RAB38: variants seen among roughly 807,000 people sequenced by gnomAD.
RAB38 encodes ras-related protein Rab-38.
RAB38 carries 15 observed loss-of-function variants against 18.4 expected under a neutral mutation model. That is an observed-to-expected ratio of 0.82 (90% CI 0.55 to 1.26). The LOEUF is 1.26. RAB38 is among the 50% of genes most tolerant of loss of function. The probability of loss-of-function intolerance (pLI) is 0.00; values close to 1 mark genes in which losing one functional copy is unlikely to be tolerated. For synonymous variants in RAB38, 101 were observed against 104.4 expected, an observed-to-expected ratio of 0.97 and a Z score of 0.20; for missense variants, 294 against 267.4, an observed-to-expected ratio of 1.10 and a Z score of -0.69.
the RAB38 span, among the ~76,000 whole-genome samples, chr11:87,832,191 TAAAC>T: frequency 2.6e-5 from 4 of 152,158 alleles, no homozygotes; most frequent in East Asian, 1.9e-4. Context: ...AATGGTGAAA[TAAAC>T]AGACACTGTC....
chr11:88,065,630 G>A, the RAB38 span, among the ~76,000 whole-genome samples: 3 of 152,172 alleles, frequency 2.0e-5, no homozygotes, highest in Non-Finnish European at 2.9e-5. Context: ...ATTATGGGAC[G>A]TATGTCCTCG....
At chr11:88,121,188 C>G (rs35257653) in intron 2 of RAB38, among the ~76,000 whole-genome samples, 1 of 152,190 alleles carries the variant, frequency 6.6e-6, no homozygotes, top group Non-Finnish European at 1.5e-5. Flanking sequence ...CCACTACATC[C>G]TAACTGCCTG....
At chr11:88,043,096 A>C in the RAB38 span, among the ~76,000 whole-genome samples, 1 of 152,078 alleles carries the variant, frequency 6.6e-6, no homozygotes, top group Non-Finnish European at 1.5e-5. Flanking sequence ...AGACACACTG[A>C]CTCTCTAAAG....
At chr11:88,173,825 T>A (rs1159333613) in intron 1 of RAB38, 1 of 985,314 alleles carries the variant, frequency 1.0e-6, no homozygotes, top group Non-Finnish European at 1.2e-6. Context: ...CATGAATCTG[T>A]TCATCTGTTC....
At chr11:87,808,524 G>A in the RAB38 span, among the ~76,000 whole-genome samples, 1 of 152,144 alleles carries the variant, frequency 6.6e-6, no homozygotes, top group African/African-American at 2.4e-5. Flanking sequence ...AAGAATGATG[G>A]TCACCAGGAG....
chr11:88,171,147 A>T (rs376648006), intron 1 of RAB38, among the ~76,000 whole-genome samples: 19 of 152,362 alleles, frequency 1.2e-4, no homozygotes, highest in African/African-American at 4.1e-4. Flanking sequence ...ACACTCATTC[A>T]GCATTTATTA....
At chr11:88,044,602 T>G in the RAB38 span, among the ~76,000 whole-genome samples, 5 of 152,102 alleles carry the variant, frequency 3.3e-5, no homozygotes, top group Non-Finnish European at 7.4e-5. Flanking sequence ...TCCTACAAGA[T>G]CTAGATAATT....
At chr11:87,823,703 A>G in the RAB38 span, among the ~76,000 whole-genome samples, 2 of 152,176 alleles carry the variant, frequency 1.3e-5, no homozygotes, top group Non-Finnish European at 1.5e-5. Flanking sequence ...GGTCGTAGCA[A>G]TTTTATTCAT....
chr11:88,079,996 T>A, the RAB38 span, among the ~76,000 whole-genome samples: 1 of 151,684 alleles, frequency 6.6e-6, no homozygotes, highest in African/African-American at 2.4e-5. Context: ...GATAGGAATA[T>A]ATACTATCAT....
chr11:88,087,188 C>T, the RAB38 span, among the ~76,000 whole-genome samples: 1 of 151,902 alleles, frequency 6.6e-6, no homozygotes, highest in Non-Finnish European at 1.5e-5. Context: ...ATCATCTGTC[C>T]AAGCAGTGAT....
chr11:88,015,094 T>C, the RAB38 span, among the ~76,000 whole-genome samples: 1 of 152,056 alleles, frequency 6.6e-6, no homozygotes, highest in South Asian at 2.1e-4. Flanking sequence ...AAAATCTCTC[T>C]ACAATGTTGA....
At position 88,175,167 on chromosome 11, in the gene RAB38, CT is replaced by C. The variant is rs758636089; in HGVS notation, c.202+15del. On this transcript the variant is annotated intron_variant, in intron 1 of 2. Coordinates refer to ENST00000243662, the MANE Select transcript of RAB38 (RefSeq NM_022337.3). ...CGAGGCGCTCTATCCCCCTGACCCC[CT>C]CCCCCCGCGCTCACCTGCGATATCC... is the stretch of plus-strand genomic sequence containing the variant. 1.3e-6 allele frequency: 2 copies of C among 1,578,050 alleles called. No homozygotes were observed. The highest frequency in any genetic ancestry group is 1.7e-6 in the Non-Finnish European group (2 of 1,160,514).
At chr11:87,976,939 A>G in the RAB38 span, among the ~76,000 whole-genome samples, 122 of 44,052 alleles carry the variant, frequency 2.8e-3, 47 homozygotes, top group Non-Finnish European at 3.5e-3. Context: ...TTATACAAGT[A>G]TATTATAAAA....
chr11:88,046,213 G>T, the RAB38 span, among the ~76,000 whole-genome samples: 2 of 152,114 alleles, frequency 1.3e-5, no homozygotes, highest in African/African-American at 2.4e-5. Context: ...TTAAAGCTTT[G>T]TTATCACTGG....
At chr11:87,964,712 A>C in the RAB38 span, among the ~76,000 whole-genome samples, 1 of 152,224 alleles carries the variant, frequency 6.6e-6, no homozygotes, top group South Asian at 2.1e-4. Context: ...CTAATGGGCT[A>C]GGAAAAAAAA....
intron 1 of RAB38, among the ~76,000 whole-genome samples, chr11:88,172,905 C>T (rs1943326827): frequency 6.6e-6 from 1 of 152,182 alleles, no homozygotes; most frequent in Non-Finnish European, 1.5e-5. Flanking sequence ...GACAGGTTAC[C>T]ACTGAGCATT....
chr11:87,854,730 A>G, the RAB38 span, among the ~76,000 whole-genome samples: 2 of 152,234 alleles, frequency 1.3e-5, no homozygotes, highest in Non-Finnish European at 2.9e-5. Flanking sequence ...AAAACCAGAC[A>G]GTGCAGAAAG....
chr11:87,836,434 C>T, the RAB38 span, among the ~76,000 whole-genome samples: 1 of 152,058 alleles, frequency 6.6e-6, no homozygotes, highest in African/African-American at 2.4e-5. Flanking sequence ...TTCAATTAAT[C>T]ATGGTGTGCT....
chr11:88,013,621 G>A, the RAB38 span, among the ~76,000 whole-genome samples: 1,084 of 152,180 alleles, frequency 7.1e-3, 12 homozygotes, highest in African/African-American at 0.024. Context: ...AGAACACTTA[G>A]GATGACAAAC....
Sources: allele counts gnomAD v4.1 joint callset (sites outside exome capture counted in the v4.1 genomes callset), GRCh38; gene constraint gnomAD v4.1.1; transcripts MANE v1.5; gene names NCBI Gene and HGNC (gene_info 2026-07-23, HGNC 2026-07-21).